Variants in PCDHA3 observed in about 807,000 individuals in gnomAD.
PCDHA3 encodes the protein protocadherin alpha-3.
Under a neutral mutation model 62.2 loss-of-function variants are expected in PCDHA3, and 41 were observed. The observed-to-expected ratio is 0.66, with a 90% CI of 0.51 to 0.86. The LOEUF (loss-of-function observed/expected upper bound fraction) is 0.86. Ranked by LOEUF, PCDHA3 falls within the 40% of genes least tolerant of loss-of-function variation. The pLI is 0.00. For synonymous variants in PCDHA3, 640 were observed against 555.4 expected, an observed-to-expected ratio of 1.15 and a Z score of -2.14; for missense variants, 1,304 against 1,241.2, an observed-to-expected ratio of 1.05 and a Z score of -0.76.
intron 1 of PCDHA3, chr5:140,805,108 C>A: frequency 6.3e-7 from 1 of 1,590,148 alleles, no homozygotes; most frequent in South Asian, 1.1e-5. Context: ...AAACTATTGT[C>A]TAACAAGACT....
In PCDHA3 at chr5:140,959,152, A is replaced by C. The variant is rs182353196; in HGVS notation, c.2395-19797A>C. 1.3e-4 allele frequency among the ~76,000 whole-genome samples: 20 copies of C among 152,108 alleles called. No individual in the cohort carries two copies. The East Asian group carries it at 3.9e-3, about 30-fold the overall frequency. ...CCCACTTTGGGAGGCCAAAGTGGGC[A>C]GATTGCTTGACCCCAGGAGTTCAGG... On this transcript the variant is annotated intron_variant, in intron 1 of 3. Coordinates refer to ENST00000522353, the MANE Select transcript of PCDHA3 (RefSeq NM_018906.3).
At chr5:140,808,652 C>A in intron 1 of PCDHA3, 1 of 1,613,260 alleles carries the variant, frequency 6.2e-7, no homozygotes, top group Non-Finnish European at 8.5e-7. Context: ...GGAGAACGCG[C>A]TGGTGTCCTA....
chr5:140,844,637 A>T (rs2150372920), intron 1 of PCDHA3, among the ~76,000 whole-genome samples: 34 of 149,574 alleles, frequency 2.3e-4, no homozygotes, highest in African/African-American at 8.3e-4. Context: ...ACTATACATG[A>T]TAATTTCATT....
chr5:140,857,428 G>A lies in PCDHA3; in HGVS notation c.2394+53837G>A, dbSNP rs782142394. On this transcript the variant is annotated intron_variant, in intron 1 of 3. Coordinates refer to ENST00000522353, the MANE Select transcript of PCDHA3 (RefSeq NM_018906.3). ...CTGCGTTCGCGCAGTCCGAGTACACGGTGTTCGTGAAGGAGAACAACCCGC... is the reference window on the plus strand; with the variant it reads ...CTGCGTTCGCGCAGTCCGAGTACACAGTGTTCGTGAAGGAGAACAACCCGC... The A allele has an allele frequency of 3.8e-6, 6 of 1,598,456 alleles. 1 individual carries two copies. Among genetic ancestry groups the A allele is most frequent in the Non-Finnish European group, 5.1e-6 (6 of 1,167,860 alleles).
intron 1 of PCDHA3, among the ~76,000 whole-genome samples, chr5:140,905,949 A>T (rs897929607): frequency 2.0e-5 from 3 of 152,242 alleles, no homozygotes; most frequent in African/African-American, 7.2e-5. Context: ...TTGGAATCCG[A>T]TGTTCAAGGG....
intron 1 of PCDHA3, among the ~76,000 whole-genome samples, chr5:140,958,355 C>A (rs2095420165): frequency 6.6e-6 from 1 of 152,064 alleles, no homozygotes; most frequent in Admixed American, 6.6e-5. Context: ...CACAGTCTGA[C>A]TTTATCAGGA....
At chr5:140,804,913 T>A in intron 1 of PCDHA3, 1 of 914,444 alleles carries the variant, frequency 1.1e-6, no homozygotes, top group Non-Finnish European at 1.5e-6. Context: ...TTTTCTTTAT[T>A]TCCTTTTTTG....
chr5:140,864,928 T>C (rs2048657742), intron 1 of PCDHA3: 1 of 152,144 alleles, frequency 6.6e-6, no homozygotes, highest in Non-Finnish European at 1.5e-5. Flanking sequence ...CTTGGCAGGG[T>C]GTCTCAGGCC....
chr5:140,928,821 C>A (rs2085565750), intron 1 of PCDHA3: 3 of 1,614,142 alleles, frequency 1.9e-6, no homozygotes, highest in Non-Finnish European at 2.5e-6. Context: ...ACCATGGAGA[C>A]CCACCACTTT....
intron 1 of PCDHA3, among the ~76,000 whole-genome samples, chr5:140,953,567 C>G (rs1385823859): frequency 6.6e-6 from 1 of 152,018 alleles, no homozygotes; most frequent in Non-Finnish European, 1.5e-5. Flanking sequence ...TTTTAGTGCC[C>G]TCCTCTCCCA....
chr5:140,814,632 A>G (rs1300426285), intron 1 of PCDHA3: 1 of 152,144 alleles, frequency 6.6e-6, no homozygotes, highest in Non-Finnish European at 1.5e-5. Context: ...TGGTAGTGCA[A>G]TAGGTTTGTT....
At chr5:140,936,425 T>C (rs1471918068) in intron 1 of PCDHA3, among the ~76,000 whole-genome samples, 2 of 152,244 alleles carry the variant, frequency 1.3e-5, no homozygotes, top group Non-Finnish European at 2.9e-5. Flanking sequence ...TAATTTTAAT[T>C]AATTTAAGCT....
At chr5:140,809,182 G>T (rs1369290140) in intron 1 of PCDHA3, 1 of 1,614,050 alleles carries the variant, frequency 6.2e-7, no homozygotes, top group Non-Finnish European at 8.5e-7. Context: ...CGGCCACTGT[G>T]CTGGTGTCAC....
At chr5:140,995,819 C>T (rs1045622508) in intron 3 of PCDHA3, among the ~76,000 whole-genome samples, 1 of 152,088 alleles carries the variant, frequency 6.6e-6, no homozygotes, top group African/African-American at 2.4e-5. Flanking sequence ...AGGGAGATAG[C>T]CTGGCATTGC....
rs1779165164 is a variant in PCDHA3, at chr5:140,843,975, T to C, written c.2394+40384T>C. ...TTTTTACTGAATATTTATTTTGGCCTGCCTTACAGCCGTCTTCTCTGAACA... is the reference window on the plus strand; with the variant it reads ...TTTTTACTGAATATTTATTTTGGCCCGCCTTACAGCCGTCTTCTCTGAACA... On this transcript the variant is annotated intron_variant, in intron 1 of 3. Transcript: ENST00000522353. 1.3e-5 allele frequency among the ~76,000 whole-genome samples: 2 copies of C among 149,640 alleles called. 1 individual carries two copies. The highest frequency in any genetic ancestry group is 3.0e-5 in the Non-Finnish European group (2 of 66,898).
chr5:140,992,418 A>G (rs2097510878), intron 3 of PCDHA3, among the ~76,000 whole-genome samples: 1 of 152,164 alleles, frequency 6.6e-6, no homozygotes, highest in South Asian at 2.1e-4. Flanking sequence ...CCCCAGGTCT[A>G]AGAATATTGT....
At chr5:140,824,255 G>A in intron 1 of PCDHA3, 2 of 1,376,076 alleles carry the variant, frequency 1.5e-6, no homozygotes, top group Non-Finnish European at 2.0e-6. Context: ...CACAATTATT[G>A]CACTAATTCA....
At chr5:140,816,821 T>C (rs1766001428) in intron 1 of PCDHA3, 1 of 152,126 alleles carries the variant, frequency 6.6e-6, no homozygotes. Context: ...TCTAATCTTT[T>C]TCCCTCTGTG....
At chr5:140,887,072 C>T (rs1270434147) in intron 1 of PCDHA3, among the ~76,000 whole-genome samples, 1 of 151,836 alleles carries the variant, frequency 6.6e-6, no homozygotes, top group African/African-American at 2.4e-5. Context: ...CAAATTCACT[C>T]AGCTTTTGTC....
Sources: allele counts gnomAD v4.1 joint callset (sites outside exome capture counted in the v4.1 genomes callset), GRCh38; gene constraint gnomAD v4.1.1; transcripts MANE v1.5; gene names NCBI Gene and HGNC (gene_info 2026-07-23, HGNC 2026-07-21).